The following INTS6 variants were observed in gnomAD, a reference collection of about 807,000 sequenced individuals.
The protein encoded by INTS6 is DEAD box protein.
A neutral mutation model predicts 104.9 loss-of-function variants in INTS6; 16 were observed. The ratio of observed to expected loss-of-function variants is 0.15; its 90% CI spans 0.10 to 0.23. The LOEUF (loss-of-function observed/expected upper bound fraction) is 0.23. Among genes scored for constraint, INTS6 ranks in the 10% least tolerant of loss-of-function variants. The pLI, the probability that INTS6 is intolerant of heterozygous loss-of-function variation, is 1.00. For synonymous variants in INTS6, 324 were observed against 358.7 expected (o/e 0.90, Z 1.09); for missense variants, 584 against 1,062.8 (o/e 0.55, Z 6.26).
chr13:51,368,013 A>G lies in INTS6; in HGVS notation c.2477-115T>C, dbSNP rs1407031157. On this transcript the variant is annotated intron_variant, in intron 16 of 17. Transcript: ENST00000311234. ...ATATACTGAGATAAAAACATTCTAC[A>G]TAAAAATTTCACCACTCATTAGAGA... is the stretch of plus-strand genomic sequence containing the variant. The G allele has an allele frequency of 1.1e-5, 6 of 539,870 alleles. No homozygotes were observed. The African/African-American group carries it at 1.2e-4, about 11-fold the overall frequency. The allele number at this position is 539,870 out of a possible 1,614,324, so 33.4% of individuals were successfully genotyped here. A position where few individuals can be genotyped will look rare whatever the true frequency, so the allele number is the denominator to read the frequency against.
At chr13:51,417,449 A>ATTTTT (rs1243190906) in intron 4 of INTS6, among the ~76,000 whole-genome samples, 7 of 129,362 alleles carry the variant, frequency 5.4e-5, no homozygotes, top group African/African-American at 1.5e-4. Context: ...TGCTAAGAAA[A>ATTTTT]TTCTTTTTTT....
In INTS6 at chr13:51,452,763, T is replaced by C. The variant is rs1953092953; in HGVS notation, c.-238A>G. On this transcript the variant is annotated 5_prime_UTR_variant, in exon 1 of 18. Transcript: ENST00000311234. The surrounding 1 kb of genome is among the most constrained non-coding windows in gnomAD (Gnocchi z 4.2). ...CCGCCTCCGCCTCCTCCTGCCTGCC[T>C]GCCCGCTGGGGCGGGCGCCCAGCCG... The C allele has an allele frequency of 2.5e-6, 3 of 1,224,272 alleles. No individual in the cohort carries two copies. Among genetic ancestry groups the C allele is most frequent in the South Asian group, 1.8e-5 (1 of 55,512 alleles). The allele number at this position is 1,224,272 out of a possible 1,614,324, so 75.8% of individuals were successfully genotyped here.
chr13:51,348,510 C>A, the INTS6 span: 3 of 923,262 alleles, frequency 3.2e-6, no homozygotes, highest in South Asian at 3.2e-5. Flanking sequence ...TGTGCTTAGC[C>A]ACTGGGATGA....
At chr13:51,450,310 ATTG>A (rs1403936961) in intron 3 of INTS6, 1 of 985,278 alleles carries the variant, frequency 1.0e-6, no homozygotes, top group Admixed American at 6.1e-5. Flanking sequence ...TTAGTGAATT[ATTG>A]TTGATTTAAA....
chr13:51,364,360 A>C lies in INTS6; in HGVS notation c.*1392T>G. 1 of 770,610 alleles carries C rather than the reference A, an allele frequency of 1.3e-6. No homozygotes were observed. The highest frequency in any genetic ancestry group is 2.0e-6 in the Non-Finnish European group (1 of 501,948). 47.7% of individuals were successfully genotyped at this position (770,610 alleles called of 1,614,324 possible). A position where few individuals can be genotyped will look rare whatever the true frequency, so the allele number is the denominator to read the frequency against. On this transcript the variant is annotated 3_prime_UTR_variant, in exon 18 of 18. Transcript: ENST00000311234. Reference sequence around the variant, plus strand: ...TTTTGCTATACCCTTGAAATTTAAAAAAATGTCTGATAAAGTGTAAAAAGC... The same window carrying C: ...TTTTGCTATACCCTTGAAATTTAAACAAATGTCTGATAAAGTGTAAAAAGC...
chr13:51,415,280 TAGAC>T (rs1167373124), intron 4 of INTS6, among the ~76,000 whole-genome samples: 1 of 152,202 alleles, frequency 6.6e-6, no homozygotes, highest in Non-Finnish European at 1.5e-5. Context: ...TCTAGATTCA[TAGAC>T]AGTTTACATT....
At chr13:51,442,924 A>T (rs1952825163) in intron 3 of INTS6, 1 of 152,230 alleles carries the variant, frequency 6.6e-6, no homozygotes, top group Non-Finnish European at 1.5e-5. Flanking sequence ...ATCCAACTAA[A>T]GCTAATTTTG....
intron 3 of INTS6, chr13:51,439,723 T>G (rs1446292609): frequency 6.6e-6 from 1 of 152,224 alleles, no homozygotes; most frequent in Non-Finnish European, 1.5e-5. Context: ...AAACCTTTCT[T>G]GCTTTGAAAA....
intron 3 of INTS6, among the ~76,000 whole-genome samples, chr13:51,430,588 A>G (rs562505171): frequency 6.6e-6 from 1 of 152,344 alleles, no homozygotes; most frequent in African/African-American, 2.4e-5. Flanking sequence ...GGGATTAGGT[A>G]GAGAAAGAGG....
intron 3 of INTS6, among the ~76,000 whole-genome samples, chr13:51,430,909 T>TA (rs1957078827): frequency 6.6e-6 from 1 of 152,222 alleles, no homozygotes; most frequent in Admixed American, 6.5e-5. Context: ...AGAGCTACTC[T>TA]AAATTCAGCA....
intron 17 of INTS6, among the ~76,000 whole-genome samples, chr13:51,367,500 T>A (rs955701431): frequency 2.6e-5 from 4 of 151,906 alleles, no homozygotes; most frequent in Non-Finnish European, 5.9e-5. Flanking sequence ...AGGAGAAAAA[T>A]TAAAGGTTAT....
chr13:51,446,116 C>T (rs986641624), intron 3 of INTS6: 3 of 152,054 alleles, frequency 2.0e-5, no homozygotes, highest in African/African-American at 7.2e-5. Flanking sequence ...GAAGAAACAA[C>T]AGAGTATAAA....
chr13:51,450,281 G>A lies in INTS6; in HGVS notation c.339+744C>T, dbSNP rs9596514. On this transcript the variant is annotated intron_variant, in intron 3 of 17. Coordinates refer to ENST00000311234, the MANE Select transcript of INTS6 (RefSeq NM_012141.3). ...AATAATATCATAAAATGTTACAATA[G>A]ACCACCTTGCATTATTCCTTAGTGA... 6.5e-3 allele frequency: 6,420 copies of A among 984,748 alleles called. 330 individuals carry two copies. The African/African-American group carries it at 0.1, about 16-fold the overall frequency. The allele number at this position is 984,748 out of a possible 1,614,324, so 61.0% of individuals were successfully genotyped here. A position where few individuals can be genotyped will look rare whatever the true frequency, so the allele number is the denominator to read the frequency against.
chr13:51,405,730 G>A (rs999276468), intron 4 of INTS6, among the ~76,000 whole-genome samples: 3 of 152,150 alleles, frequency 2.0e-5, no homozygotes. Context: ...GGAGACAGAA[G>A]CCACAGAGAT....
intron 3 of INTS6, among the ~76,000 whole-genome samples, chr13:51,434,781 T>C (rs1957157045): frequency 6.6e-6 from 1 of 152,038 alleles, no homozygotes; most frequent in Non-Finnish European, 1.5e-5. Flanking sequence ...CATAATGTCA[T>C]CTTTCTCTGT....
In INTS6 at chr13:51,391,353, C is replaced by G. The variant is rs9568582; in HGVS notation, c.614-1909G>C. Among the ~76,000 whole-genome samples the G allele has an allele frequency of 1.6e-3, 244 of 152,116 alleles. 3 individuals are homozygous for G. In the East Asian group the frequency reaches 0.033, roughly 20 times the overall value. Reference sequence around the variant, plus strand: ...ATTAAGAAAACATAAGCAAATCAATCTTAACACGAAATAAAATTACTAATC... The same window carrying G: ...ATTAAGAAAACATAAGCAAATCAATGTTAACACGAAATAAAATTACTAATC... On this transcript the variant is annotated intron_variant, in intron 5 of 17. Coordinates refer to ENST00000311234, the MANE Select transcript of INTS6 (RefSeq NM_012141.3).
chr13:51,343,348 C>T, the INTS6 span, among the ~76,000 whole-genome samples: 1 of 152,180 alleles, frequency 6.6e-6, no homozygotes, highest in Non-Finnish European at 1.5e-5. Flanking sequence ...GAATGAGAAG[C>T]TTGGGGTACG....
intron 3 of INTS6, among the ~76,000 whole-genome samples, chr13:51,436,166 C>T (rs1326476814): frequency 1.3e-5 from 2 of 152,052 alleles, no homozygotes; most frequent in Non-Finnish European, 2.9e-5. Flanking sequence ...CCATGGTTGC[C>T]TCCATAGAAA....
chr13:51,419,825 G>C (rs573258396), intron 4 of INTS6, among the ~76,000 whole-genome samples: 9 of 152,232 alleles, frequency 5.9e-5, no homozygotes, highest in African/African-American at 2.2e-4. Context: ...ATGTGAAAAG[G>C]ATCTAACAGA....
Sources: allele counts gnomAD v4.1 joint callset (sites outside exome capture counted in the v4.1 genomes callset), GRCh38; gene constraint gnomAD v4.1.1; non-coding constraint Gnocchi (gnomAD v3.1); transcripts MANE v1.5; gene names NCBI Gene and HGNC (gene_info 2026-07-23, HGNC 2026-07-21).